EFHC2: variants seen among roughly 807,000 people sequenced by gnomAD.
EFHC2 encodes EF-hand domain containing 2.
EFHC2 carries 18 observed loss-of-function variants against 52.7 expected under a neutral mutation model. That is an observed-to-expected ratio of 0.34 (90% confidence interval 0.24 to 0.51). The LOEUF is 0.51. EFHC2 is among the 20% of genes least tolerant of loss of function. EFHC2 has a pLI of 0.97. For missense variants in EFHC2, 513 were observed against 562.5 expected, an observed-to-expected ratio of 0.91 and a Z score of 0.89; for synonymous variants, 203 against 204.1, an observed-to-expected ratio of 0.99 and a Z score of 0.04.
intron 2 of EFHC2, among the ~76,000 whole-genome samples, chrX:44,280,073 C>G (rs1418697849): frequency 1.2e-5 from 1 of 86,466 alleles, no homozygotes; most frequent in African/African-American, 5.6e-5. Flanking sequence ...ACACAGAAAT[C>G]AGATTCTCTC....
chrX:44,282,432 C>T (rs1056338815), intron 2 of EFHC2, among the ~76,000 whole-genome samples: 64 of 97,078 alleles, frequency 6.6e-4, no homozygotes, highest in East Asian at 2.3e-3. Context: ...GGTGAAACCC[C>T]GTCTCTACTA....
At chrX:44,275,044 G>A (rs1305358998) in intron 2 of EFHC2, among the ~76,000 whole-genome samples, 1 of 111,297 alleles carries the variant, frequency 9.0e-6, no homozygotes, top group Non-Finnish European at 1.9e-5. Flanking sequence ...AGTGTAGAGA[G>A]AATATTCTTG....
chrX:44,339,878 G>A (rs149696339), intron 1 of EFHC2, among the ~76,000 whole-genome samples: 2,340 of 111,267 alleles, frequency 0.021, 25 homozygotes, highest in Middle Eastern at 0.032. Context: ...TAATTTGTGG[G>A]CAACACACAG....
At chrX:44,231,717 G>A (rs746431399) in intron 10 of EFHC2, among the ~76,000 whole-genome samples, 21 of 111,766 alleles carry the variant, frequency 1.9e-4, no homozygotes, top group Non-Finnish European at 2.4e-4. Context: ...AATTGGCACT[G>A]TATGTATATA....
At chrX:44,222,554 G>A (rs2037202128) in intron 11 of EFHC2, among the ~76,000 whole-genome samples, 1 of 111,630 alleles carries the variant, frequency 9.0e-6, no homozygotes, top group African/African-American at 3.3e-5. Flanking sequence ...CCAAGCGTAG[G>A]GGAGGGCTTT....
chrX:44,242,286 T>C lies in EFHC2; in HGVS notation c.1115A>G (p.Asn372Ser). The change falls in exon 8 of 15, where the codon AAC becomes AGC. Residue 372 changes from asparagine (N) to serine (S), a missense_variant. Coordinates refer to ENST00000420999, the MANE Select transcript of EFHC2 (RefSeq NM_025184.4). The part of the protein sequence containing the change: ...SYYKSKYGIE[N>S]FTSVSCKPPS... Reference sequence around the variant, plus strand: ...AGGCTTGCATGAAACTGAGGTAAAGTTCTCTAGAACAAAACAAAGGCAAAC... The same window carrying C: ...AGGCTTGCATGAAACTGAGGTAAAGCTCTCTAGAACAAAACAAAGGCAAAC... 1 of 1,205,457 alleles carries C rather than the reference T, an allele frequency of 8.3e-7. No individual in the cohort carries two copies. Among genetic ancestry groups the C allele is most frequent in the Non-Finnish European group, 1.1e-6 (1 of 892,942 alleles).
At chrX:44,161,077 C>T (rs910920649) in intron 14 of EFHC2, among the ~76,000 whole-genome samples, 1 of 111,785 alleles carries the variant, frequency 8.9e-6, no homozygotes, top group East Asian at 2.8e-4. Flanking sequence ...TATTTTCATA[C>T]AATACATGAG....
intron 11 of EFHC2, among the ~76,000 whole-genome samples, chrX:44,195,654 G>C (rs974685262): frequency 1.6e-4 from 18 of 111,144 alleles, no homozygotes; most frequent in Admixed American, 2.9e-4. Flanking sequence ...GATGCCTCTG[G>C]CAGAATTAAT....
At chrX:44,300,032 G>T (rs1377152801) in intron 2 of EFHC2, among the ~76,000 whole-genome samples, 1 of 111,429 alleles carries the variant, frequency 9.0e-6, no homozygotes, top group African/African-American at 3.3e-5. Flanking sequence ...CAAAAAGTGA[G>T]TTTACCATAG....
rs1257869049 is a variant in EFHC2 at position 44,257,661 on chromosome X, C to T, written c.606+3414G>A. Reference sequence around the variant, plus strand: ...GACACAAACAAATGGAAAAACATTCCATGCCCATAGATAGAAGAATCAATA... The same window carrying T: ...GACACAAACAAATGGAAAAACATTCTATGCCCATAGATAGAAGAATCAATA... On this transcript the variant is annotated intron_variant, in intron 4 of 14. Transcript: ENST00000420999. Among the ~76,000 whole-genome samples the T allele has an allele frequency of 9.8e-5, 11 of 111,855 alleles. No individual in the cohort carries two copies. The East Asian group carries it at 2.8e-3, about 29-fold the overall frequency.
At chrX:44,277,083 C>T (rs1380675824) in intron 2 of EFHC2, among the ~76,000 whole-genome samples, 1 of 109,695 alleles carries the variant, frequency 9.1e-6, no homozygotes, top group Non-Finnish European at 1.9e-5. Flanking sequence ...CACGGTGAAA[C>T]GCTGTCTCTA....
intron 2 of EFHC2, among the ~76,000 whole-genome samples, chrX:44,282,889 G>A (rs1009883846): frequency 3.5e-4 from 38 of 109,953 alleles, no homozygotes; most frequent in African/African-American, 1.3e-3. Context: ...GCGTGGTAAA[G>A]GAGGGGCTGG....
At chrX:44,151,890 A>G (rs1053568190) in intron 14 of EFHC2, among the ~76,000 whole-genome samples, 4 of 111,823 alleles carry the variant, frequency 3.6e-5, no homozygotes, top group Non-Finnish European at 7.5e-5. Context: ...ATTCTGGTAA[A>G]CATCTGTAAA....
chrX:44,265,623 A>G (rs1176243530), intron 3 of EFHC2, among the ~76,000 whole-genome samples: 1 of 111,658 alleles, frequency 9.0e-6, no homozygotes, highest in Non-Finnish European at 1.9e-5. Flanking sequence ...CTGCAGGCCT[A>G]GAGTACATCC....
chrX:44,305,420 T>C (rs2037898587), intron 2 of EFHC2, among the ~76,000 whole-genome samples: 2 of 112,175 alleles, frequency 1.8e-5, no homozygotes, highest in South Asian at 7.3e-4. Flanking sequence ...GCTGATCTTG[T>C]CTTTATTTAA....
rs1005414083 is a variant in EFHC2 at position 44,148,145 on chromosome X, T to C, written c.*650A>G. On this transcript the variant is annotated 3_prime_UTR_variant, in exon 15 of 15. Coordinates refer to ENST00000420999, the MANE Select transcript of EFHC2 (RefSeq NM_025184.4). ...TATAATTATACACACATGCATATATTCCTAAGCTAACAAGCTGACTTTAGA... is the reference window on the plus strand; with the variant it reads ...TATAATTATACACACATGCATATATCCCTAAGCTAACAAGCTGACTTTAGA... The C allele has an allele frequency of 8.1e-5, 9 of 110,765 alleles. No homozygotes were observed. The highest frequency in any genetic ancestry group is 3.0e-4 in the African/African-American group (9 of 30,419). 9.1% of individuals were successfully genotyped at this position (110,765 alleles called of 1,213,427 possible).
chrX:44,190,193 C>T (rs1191061274), intron 11 of EFHC2, among the ~76,000 whole-genome samples: 3 of 111,457 alleles, frequency 2.7e-5, no homozygotes, highest in Admixed American at 9.5e-5. Flanking sequence ...ACCTTCTGCC[C>T]GGTAAAGTCA....
intron 1 of EFHC2, among the ~76,000 whole-genome samples, chrX:44,340,573 C>T (rs777258910): frequency 1.8e-5 from 2 of 111,362 alleles, no homozygotes; most frequent in East Asian, 2.8e-4. Context: ...GCAGGAGAAT[C>T]GCTTGAAGCC....
At chrX:44,221,821 G>A (rs189110597) in intron 11 of EFHC2, among the ~76,000 whole-genome samples, 179 of 111,874 alleles carry the variant, frequency 1.6e-3, no homozygotes, top group Non-Finnish European at 2.7e-3. Context: ...CACGCTTCTT[G>A]TCCAATTTAT....
Sources: allele counts gnomAD v4.1 joint callset (sites outside exome capture counted in the v4.1 genomes callset), GRCh38; gene constraint gnomAD v4.1.1; transcripts MANE v1.5; gene names NCBI Gene and HGNC (gene_info 2026-07-23, HGNC 2026-07-21).